Variants in PTPRD observed in about 807,000 individuals in gnomAD.
PTPRD encodes protein tyrosine phosphatase receptor type D, also known as receptor-type tyrosine-protein phosphatase delta.
PTPRD carries 34 observed loss-of-function variants against 214.5 expected under a neutral mutation model. The ratio of observed to expected loss-of-function variants is 0.16; its 90% CI spans 0.12 to 0.21. The LOEUF (loss-of-function observed/expected upper bound fraction) is 0.21. Among genes scored for constraint, PTPRD ranks in the 10% least tolerant of loss-of-function variants. The pLI is 1.00. For missense variants in PTPRD, 2,545 were observed against 2,398.7 expected (o/e 1.06, Z -1.27); for synonymous variants, 1,128 against 845.7 (o/e 1.33, Z -5.79).
chr9:9,696,809 T>C (rs1393827474), intron 7 of PTPRD, among the ~76,000 whole-genome samples: 1 of 152,144 alleles, frequency 6.6e-6, no homozygotes, highest in Admixed American at 6.6e-5. Flanking sequence ...CACAATGTTA[T>C]TATTGATAGG....
chr9:8,429,901 G>A (rs2094930819), intron 35 of PTPRD, among the ~76,000 whole-genome samples: 1 of 152,258 alleles, frequency 6.6e-6, no homozygotes, highest in African/African-American at 2.4e-5. Context: ...TTAATACATA[G>A]CTTTAAGGTA....
chr9:10,548,147 A>G (rs2060545283), intron 2 of PTPRD, among the ~76,000 whole-genome samples: 1 of 152,190 alleles, frequency 6.6e-6, no homozygotes, highest in South Asian at 2.1e-4. Context: ...AAATTAGAAT[A>G]CTTAACCATA....
At chr9:9,422,419 G>A (rs549582322) in intron 8 of PTPRD, among the ~76,000 whole-genome samples, 2 of 152,202 alleles carry the variant, frequency 1.3e-5, no homozygotes, top group African/African-American at 2.4e-5. Context: ...CACCTGCTTA[G>A]AGCTACTAGA....
At chr9:8,680,176 G>C (rs2097524448) in intron 12 of PTPRD, among the ~76,000 whole-genome samples, 1 of 151,912 alleles carries the variant, frequency 6.6e-6, no homozygotes, top group Non-Finnish European at 1.5e-5. Context: ...GAGAAATAAA[G>C]GAAAGAATGA....
chr9:9,977,165 C>G (rs1019055096), intron 4 of PTPRD, among the ~76,000 whole-genome samples: 1 of 152,140 alleles, frequency 6.6e-6, no homozygotes, highest in African/African-American at 2.4e-5. Flanking sequence ...TTGGTGATGT[C>G]AGCTCAGGAC....
At chr9:9,031,514 A>C (rs1275946026) in intron 10 of PTPRD, among the ~76,000 whole-genome samples, 1 of 152,072 alleles carries the variant, frequency 6.6e-6, no homozygotes, top group Non-Finnish European at 1.5e-5. Context: ...AAACATATAT[A>C]ACCATAGAGA....
At chr9:9,563,117 T>C (rs1569569305) in intron 8 of PTPRD, among the ~76,000 whole-genome samples, 1 of 152,216 alleles carries the variant, frequency 6.6e-6, no homozygotes, top group Non-Finnish European at 1.5e-5. Flanking sequence ...ATATATAATG[T>C]GTTTCAGTCT....
chr9:8,921,581 C>A, intron 11 of PTPRD, among the ~76,000 whole-genome samples: 1 of 152,048 alleles, frequency 6.6e-6, no homozygotes, highest in East Asian at 1.9e-4. Context: ...GCAACCTCTG[C>A]CTCCCTGGTT....
intron 11 of PTPRD, among the ~76,000 whole-genome samples, chr9:8,993,182 T>G (rs536105138): frequency 7.3e-6 from 1 of 136,582 alleles, no homozygotes; most frequent in African/African-American, 2.7e-5. Context: ...GTAGGGGCCA[T>G]TCCCTTGGCC....
chr9:9,002,912 C>G (rs189512643), intron 11 of PTPRD, among the ~76,000 whole-genome samples: 2 of 152,088 alleles, frequency 1.3e-5, no homozygotes, highest in Admixed American at 6.6e-5. Flanking sequence ...GTATGTTGGA[C>G]CAAGCTCTTA....
chr9:9,597,557 T>C (rs73641327), intron 7 of PTPRD, among the ~76,000 whole-genome samples: 1,611 of 152,108 alleles, frequency 0.011, 29 homozygotes, highest in African/African-American at 0.037. Context: ...AGAGGAAAAG[T>C]ACCGTAGAAC....
intron 11 of PTPRD, among the ~76,000 whole-genome samples, chr9:8,939,113 T>C (rs2099015530): frequency 6.6e-6 from 1 of 152,180 alleles, no homozygotes; most frequent in Non-Finnish European, 1.5e-5. Context: ...TACCGCAAGG[T>C]CTTTCAGAAT....
intron 11 of PTPRD, among the ~76,000 whole-genome samples, chr9:8,829,648 A>G (rs1251569595): frequency 6.6e-6 from 1 of 152,156 alleles, no homozygotes; most frequent in Non-Finnish European, 1.5e-5. Flanking sequence ...CAGAGCATCA[A>G]CTACCTCCTG....
At chr9:9,642,960 T>G (rs1433327801) in intron 7 of PTPRD, among the ~76,000 whole-genome samples, 1 of 152,182 alleles carries the variant, frequency 6.6e-6, no homozygotes, top group East Asian at 1.9e-4. Flanking sequence ...ACAGAATACC[T>G]TCAACTGTCT....
intron 2 of PTPRD, among the ~76,000 whole-genome samples, chr9:10,444,076 G>T (rs2154524244): frequency 6.6e-6 from 1 of 151,660 alleles, no homozygotes; most frequent in Admixed American, 6.6e-5. Context: ...ATTATCCAGT[G>T]ACTATTTAAC....
intron 3 of PTPRD, among the ~76,000 whole-genome samples, chr9:10,327,680 CAAG>C (rs755425129): frequency 1.7e-4 from 26 of 151,660 alleles, no homozygotes; most frequent in Non-Finnish European, 1.5e-5. Flanking sequence ...CTCAGATTTA[CAAG>C]AAGTGCTATT....
At chr9:10,035,725 A>T (rs1293633721) in intron 3 of PTPRD, among the ~76,000 whole-genome samples, 1 of 151,422 alleles carries the variant, frequency 6.6e-6, no homozygotes, top group African/African-American at 2.4e-5. Flanking sequence ...ATTTCCCCCA[A>T]CCCAAATGTT....
At chr9:10,563,338 G>A (rs1036461516) in intron 2 of PTPRD, among the ~76,000 whole-genome samples, 6 of 152,152 alleles carry the variant, frequency 3.9e-5, no homozygotes, top group African/African-American at 1.4e-4. Flanking sequence ...ATTCAGGTCA[G>A]GAAAATAGCC....
intron 14 of PTPRD, among the ~76,000 whole-genome samples, chr9:8,575,445 T>C (rs560481430): frequency 6.6e-6 from 1 of 152,102 alleles, no homozygotes; most frequent in Non-Finnish European, 1.5e-5. Context: ...CTAATTCATA[T>C]GTGCTGGTGA....
Sources: gnomAD v4.1 joint callset for allele counts (sites outside exome capture counted in the v4.1 genomes callset) on GRCh38, gnomAD v4.1.1 for gene constraint, MANE v1.5 for transcripts, NCBI Gene and HGNC (gene_info 2026-07-23, HGNC 2026-07-21) for gene names.